Variants in DIP2C observed in about 807,000 individuals in gnomAD.
DIP2C encodes the protein disco-interacting protein 2 homolog C.
Under a neutral mutation model 192.4 loss-of-function variants are expected in DIP2C, and 33 were observed. The observed-to-expected ratio is 0.17, with a 90% CI of 0.13 to 0.23. DIP2C has a LOEUF of 0.23. Ranked by LOEUF, DIP2C falls within the 10% of genes least tolerant of loss-of-function variation. The pLI is 1.00. For synonymous variants in DIP2C, 979 were observed against 864.1 expected, an observed-to-expected ratio of 1.13 and a Z score of -2.33; for missense variants, 1,537 against 2,110.1, an observed-to-expected ratio of 0.73 and a Z score of 5.32.
intron 33 of DIP2C, among the ~76,000 whole-genome samples, chr10:287,002 G>C (rs1955175004): frequency 6.6e-6 from 1 of 152,180 alleles, no homozygotes; most frequent in African/African-American, 2.4e-5. Context: ...CGTCCGTGTG[G>C]ATCTCCAGCT....
At chr10:316,783 T>C (rs1956793141) in intron 31 of DIP2C, among the ~76,000 whole-genome samples, 1 of 152,256 alleles carries the variant, frequency 6.6e-6, no homozygotes, top group Non-Finnish European at 1.5e-5. Context: ...GGGATTCTCA[T>C]CTACCTTGCA....
chr10:512,921 G>GAA (rs1564807469), intron 1 of DIP2C, among the ~76,000 whole-genome samples: 3 of 45,124 alleles, frequency 6.6e-5, no homozygotes, highest in African/African-American at 3.7e-4. Flanking sequence ...CCCCACTTCA[G>GAA]GAAAAAAAAA....
intron 24 of DIP2C, 28 bp downstream of exon 24, chr10:356,398 G>T: frequency 6.2e-7 from 1 of 1,608,778 alleles, no homozygotes. Context: ...GAGGCCAGTA[G>T]CCAGGGAAGG....
intron 1 of DIP2C, among the ~76,000 whole-genome samples, chr10:661,183 G>A (rs551918397): frequency 3.9e-5 from 6 of 152,186 alleles, no homozygotes; most frequent in Admixed American, 2.0e-4. Context: ...TCTCTGGACC[G>A]CACCGAGTGG....
intron 24 of DIP2C, among the ~76,000 whole-genome samples, chr10:350,623 G>C (rs1027571630): frequency 1.1e-4 from 16 of 144,478 alleles, no homozygotes; most frequent in African/African-American, 4.1e-4. Flanking sequence ...TGAACACCCG[G>C]GCTCAGGAAT....
At chr10:579,057 C>T (rs953876267) in intron 1 of DIP2C, among the ~76,000 whole-genome samples, 3 of 151,982 alleles carry the variant, frequency 2.0e-5, no homozygotes, top group Non-Finnish European at 2.9e-5. Flanking sequence ...AACATAAGTG[C>T]ACAACATGTG....
At chr10:453,533 G>GT in intron 3 of DIP2C, among the ~76,000 whole-genome samples, 1 of 152,364 alleles carries the variant, frequency 6.6e-6, no homozygotes, top group South Asian at 2.1e-4. Flanking sequence ...GTATTTTTAA[G>GT]TATCTTTGAG....
intron 1 of DIP2C, among the ~76,000 whole-genome samples, chr10:682,763 G>T (rs890872854): frequency 1.3e-5 from 2 of 150,754 alleles, no homozygotes; most frequent in African/African-American, 2.4e-5. Context: ...AAAATCAATC[G>T]TGCCTATAGA....
intron 31 of DIP2C, among the ~76,000 whole-genome samples, chr10:314,820 G>C (rs1365159115): frequency 6.6e-6 from 1 of 152,166 alleles, no homozygotes. Context: ...CCACCCTCAT[G>C]ATCTAATCAC....
At chr10:394,246 C>T (rs139187383) in intron 10 of DIP2C, among the ~76,000 whole-genome samples, 1 of 152,210 alleles carries the variant, frequency 6.6e-6, no homozygotes, top group East Asian at 1.9e-4. Flanking sequence ...GGAGGGAAGC[C>T]GGGCCTGTGC....
intron 4 of DIP2C, among the ~76,000 whole-genome samples, chr10:437,124 C>T (rs1281642983): frequency 5.2e-5 from 7 of 134,654 alleles, no homozygotes; most frequent in South Asian, 2.5e-4. Flanking sequence ...TGATATGCTC[C>T]GTCCACACCT....
At chr10:524,908 G>A (rs1250245686) in intron 1 of DIP2C, among the ~76,000 whole-genome samples, 2 of 141,786 alleles carry the variant, frequency 1.4e-5, no homozygotes, top group Non-Finnish European at 3.0e-5. Context: ...CCGTGCAGAT[G>A]TTTCCAAAGC....
chr10:494,925 C>T (rs1019269064), intron 1 of DIP2C, among the ~76,000 whole-genome samples: 2 of 152,178 alleles, frequency 1.3e-5, no homozygotes, highest in South Asian at 2.1e-4. Context: ...GGGAGAGATA[C>T]CTGCATGCTC....
intron 1 of DIP2C, among the ~76,000 whole-genome samples, chr10:545,342 G>A (rs1333365399): frequency 3.3e-5 from 5 of 152,028 alleles, no homozygotes; most frequent in Non-Finnish European, 7.4e-5. Flanking sequence ...AATTTTTGTA[G>A]TTTTAGTAGA....
At chr10:407,461 G>A (rs1964886163) in intron 9 of DIP2C, among the ~76,000 whole-genome samples, 1 of 152,196 alleles carries the variant, frequency 6.6e-6, no homozygotes, top group Admixed American at 6.5e-5. Flanking sequence ...AAGCAGAACT[G>A]CTGGATCACA....
At chr10:623,348 G>A (rs1478991351) in intron 1 of DIP2C, among the ~76,000 whole-genome samples, 3 of 151,654 alleles carry the variant, frequency 2.0e-5, no homozygotes, top group African/African-American at 7.3e-5. Context: ...CTGCAGCCGT[G>A]CTGGCGAGGG....
chr10:479,383 G>C (rs1268142299), intron 2 of DIP2C, among the ~76,000 whole-genome samples: 4 of 146,074 alleles, frequency 2.7e-5, no homozygotes, highest in East Asian at 2.0e-4. Context: ...TGCCAGGCTG[G>C]AGAGCAATGG....
chr10:422,234 C>T (rs775822232), intron 5 of DIP2C, among the ~76,000 whole-genome samples: 1 of 152,210 alleles, frequency 6.6e-6, no homozygotes, highest in Non-Finnish European at 1.5e-5. Flanking sequence ...CGTTCAAAGG[C>T]AGAGCGACGT....
At position 484,255 on chromosome 10, in the gene DIP2C, C is replaced by T. The variant is rs150600646; in HGVS notation, c.157+2204G>A. ...AAATTCCTGTATTCAAAATACTGTC[C>T]GCCAAAGTAATTCTTACCTTTGAAC... On this transcript the variant is annotated intron_variant, in intron 2 of 36. Coordinates refer to ENST00000280886, the MANE Select transcript of DIP2C (RefSeq NM_014974.3). 1.5e-3 allele frequency among the ~76,000 whole-genome samples: 234 copies of T among 152,294 alleles called. 3 individuals carry two copies. In the South Asian group the frequency reaches 0.019, roughly 13 times the overall value.
Sources: allele counts gnomAD v4.1 joint callset (sites outside exome capture counted in the v4.1 genomes callset), GRCh38; gene constraint gnomAD v4.1.1; transcripts MANE v1.5; gene names NCBI Gene and HGNC (gene_info 2026-07-23, HGNC 2026-07-21).